Variants in GPC6 observed in about 807,000 individuals in gnomAD.
The protein encoded by GPC6 is glypican 6.
In GPC6, 14 loss-of-function variants were observed where a neutral mutation model predicts 55.2. The observed-to-expected ratio is 0.25, with a 90% CI of 0.17 to 0.40. The LOEUF is 0.40. Among genes scored for constraint, GPC6 ranks in the 10% least tolerant of loss-of-function variants. GPC6 has a pLI of 1.00. For synonymous variants in GPC6, 278 were observed against 259.6 expected, an observed-to-expected ratio of 1.07 and a Z score of -0.68; for missense variants, 641 against 708.5, an observed-to-expected ratio of 0.90 and a Z score of 1.08.
At chr13:94,325,076 GTCTCT>G (rs1381422294) in intron 6 of GPC6, among the ~76,000 whole-genome samples, 1 of 151,930 alleles carries the variant, frequency 6.6e-6, no homozygotes, top group Non-Finnish European at 1.5e-5. Context: ...CTGCTATTTT[GTCTCT>G]TCTTTGTCGT....
At chr13:93,282,111 G>GT (rs1877971154) in intron 1 of GPC6, among the ~76,000 whole-genome samples, 1 of 152,136 alleles carries the variant, frequency 6.6e-6, no homozygotes, top group African/African-American at 2.4e-5. Context: ...TTACTAGGAA[G>GT]TTTTTACAGC....
chr13:94,118,730 T>A (rs1886521351), intron 4 of GPC6, among the ~76,000 whole-genome samples: 1 of 152,126 alleles, frequency 6.6e-6, no homozygotes, highest in African/African-American at 2.4e-5. Flanking sequence ...CTAGTTTAAG[T>A]TCCTGCCTTG....
chr13:93,525,204 C>T (rs1414663587), intron 1 of GPC6, among the ~76,000 whole-genome samples: 1 of 151,984 alleles, frequency 6.6e-6, no homozygotes, highest in East Asian at 1.9e-4. Context: ...TACTCTGAAT[C>T]CCAAGAGACT....
At chr13:93,322,760 T>C (rs1879502047) in intron 1 of GPC6, among the ~76,000 whole-genome samples, 1 of 152,076 alleles carries the variant, frequency 6.6e-6, no homozygotes, top group Non-Finnish European at 1.5e-5. Flanking sequence ...ATTTTGTTGT[T>C]CTTGTTGTTG....
chr13:93,912,867 C>T (rs1877081250), intron 3 of GPC6, among the ~76,000 whole-genome samples: 1 of 152,186 alleles, frequency 6.6e-6, no homozygotes, highest in Non-Finnish European at 1.5e-5. Context: ...TCCCTACCTG[C>T]CAGTGACTGG....
intron 3 of GPC6, among the ~76,000 whole-genome samples, chr13:93,902,510 C>T (rs922310966): frequency 6.6e-6 from 1 of 152,122 alleles, no homozygotes; most frequent in African/African-American, 2.4e-5. Context: ...AATAGTGTCA[C>T]AATAAACATG....
intron 1 of GPC6, among the ~76,000 whole-genome samples, chr13:93,258,447 G>A (rs942603898): frequency 3.3e-5 from 5 of 152,104 alleles, no homozygotes; most frequent in Non-Finnish European, 5.9e-5. Flanking sequence ...GGATGGCCTT[G>A]GTGGTTTGAT....
chr13:93,876,045 G>A (rs1594546670), intron 3 of GPC6, among the ~76,000 whole-genome samples: 1 of 152,174 alleles, frequency 6.6e-6, no homozygotes, highest in South Asian at 2.1e-4. Context: ...GAGTCAGCAT[G>A]CAAGTGCTGC....
intron 4 of GPC6, among the ~76,000 whole-genome samples, chr13:94,125,063 T>G (rs1886757939): frequency 6.6e-6 from 1 of 152,180 alleles, no homozygotes; most frequent in Admixed American, 6.5e-5. Flanking sequence ...TCTGTATTTT[T>G]TCACTTAACC....
intron 2 of GPC6, among the ~76,000 whole-genome samples, chr13:93,693,252 A>G (rs1343172343): frequency 1.3e-5 from 2 of 152,288 alleles, no homozygotes; most frequent in African/African-American, 4.8e-5. Flanking sequence ...GTGCTTTCAC[A>G]TAAATAACAA....
In GPC6 at chr13:94,088,135, T is replaced by C. The variant is rs1885353767; in HGVS notation, c.877+60241T>C. On this transcript the variant is annotated intron_variant, in intron 4 of 8. Coordinates refer to ENST00000377047, the MANE Select transcript of GPC6 (RefSeq NM_005708.5). Reference sequence around the variant, plus strand: ...GTTCAGAAATCCAAATACCAGAGGCTAGCAGGAACCTAAGTCTGTATTTCC... The same window carrying C: ...GTTCAGAAATCCAAATACCAGAGGCCAGCAGGAACCTAAGTCTGTATTTCC... Among the ~76,000 whole-genome samples the C allele has an allele frequency of 2.0e-5, 3 of 152,156 alleles. No homozygotes were observed. The South Asian group carries it at 6.2e-4, about 31-fold the overall frequency.
chr13:94,099,912 C>A (rs1215569484), intron 4 of GPC6, among the ~76,000 whole-genome samples: 1 of 152,120 alleles, frequency 6.6e-6, no homozygotes, highest in East Asian at 1.9e-4. Flanking sequence ...TTGTGGACTT[C>A]ACTTAATTCT....
intron 4 of GPC6, among the ~76,000 whole-genome samples, chr13:94,278,100 A>G (rs1023283077): frequency 6.6e-6 from 1 of 151,892 alleles, no homozygotes; most frequent in African/African-American, 2.4e-5. Flanking sequence ...TTTGTGTCCT[A>G]TCTTATTTCC....
chr13:93,349,260 CT>C (rs34884349), intron 1 of GPC6, among the ~76,000 whole-genome samples: 2 of 151,598 alleles, frequency 1.3e-5, no homozygotes, highest in Non-Finnish European at 2.9e-5. Flanking sequence ...AACATGTTAG[CT>C]TTTTTTTCCC....
rs980368688 is a variant in GPC6 at position 93,861,350 on chromosome 13, T to C, written c.711+30805T>C. Among the ~76,000 whole-genome samples the C allele has an allele frequency of 4.6e-5, 7 of 151,436 alleles. No homozygotes were observed. The South Asian group carries it at 1.0e-3, about 22-fold the overall frequency. On this transcript the variant is annotated intron_variant, in intron 3 of 8. Coordinates refer to ENST00000377047, the MANE Select transcript of GPC6 (RefSeq NM_005708.5). ...ATTTCAAAATGCAGACAAAAGTATG[T>C]ATAATTTTGGACAGTGTGAATTTAG...
At chr13:93,492,667 A>T (rs1370598377) in intron 1 of GPC6, among the ~76,000 whole-genome samples, 4 of 150,874 alleles carry the variant, frequency 2.7e-5, no homozygotes, top group African/African-American at 9.8e-5. Flanking sequence ...TTTGTCATAG[A>T]TAGCTCTTAT....
At chr13:94,023,911 GA>G (rs911576009) in intron 3 of GPC6, among the ~76,000 whole-genome samples, 1 of 151,954 alleles carries the variant, frequency 6.6e-6, no homozygotes, top group African/African-American at 2.4e-5. Context: ...TATTTATATA[GA>G]ATTCTTGAAA....
intron 1 of GPC6, among the ~76,000 whole-genome samples, chr13:93,419,871 T>C (rs1461602565): frequency 6.6e-6 from 1 of 152,126 alleles, no homozygotes; most frequent in Admixed American, 6.6e-5. Flanking sequence ...ATTGAAGCTA[T>C]GAAATTGGTC....
At chr13:93,350,859 AT>A (rs1488928096) in intron 1 of GPC6, among the ~76,000 whole-genome samples, 9 of 152,110 alleles carry the variant, frequency 5.9e-5, no homozygotes, top group Non-Finnish European at 1.3e-4. Context: ...GGTCTCACTA[AT>A]TTGTGAGTTT....
Sources: allele counts gnomAD v4.1 joint callset (sites outside exome capture counted in the v4.1 genomes callset), GRCh38; gene constraint gnomAD v4.1.1; transcripts MANE v1.5; gene names NCBI Gene and HGNC (gene_info 2026-07-23, HGNC 2026-07-21).